The following NECAB2 variants were observed in gnomAD, a reference collection of about 807,000 sequenced individuals.
NECAB2 encodes N-terminal EF-hand calcium-binding protein 2.
In NECAB2, 68 loss-of-function variants were observed where a neutral mutation model predicts 51.9. That is an observed-to-expected ratio of 1.31 (90% CI 1.08 to 1.60). The LOEUF is 1.60. NECAB2 is among the 40% of genes most tolerant of loss of function. The probability of loss-of-function intolerance (pLI) is 0.00; values close to 1 mark genes in which losing one functional copy is unlikely to be tolerated. For synonymous variants in NECAB2, 329 were observed against 203.5 expected (o/e 1.62, Z -5.25); for missense variants, 854 against 490.3 (o/e 1.74, Z -7.00).
At chr16:83,968,233 C>A (rs1392728931), upstream of NECAB2, among the ~76,000 whole-genome samples, 1 of 151,300 alleles carries the variant, frequency 6.6e-6, no homozygotes, top group African/African-American at 2.4e-5. Flanking sequence ...GCTGGACACC[C>A]GCGCTTCGGC....
At chr16:84,001,709 C>G in intron 11 of NECAB2, 116 bp from the exon 12 acceptor site, 1 of 1,065,782 alleles carries the variant, frequency 9.4e-7, no homozygotes, top group Non-Finnish European at 1.4e-6. Context: ...AGTCCAAAGA[C>G]CCCCCGTGCT....
chr16:83,991,253 G>A (rs1250645578), intron 6 of NECAB2, among the ~76,000 whole-genome samples: 1 of 152,002 alleles, frequency 6.6e-6, no homozygotes, highest in East Asian at 1.9e-4. Context: ...AAAGTGCTGG[G>A]ATGAAAGGTG....
Position 83,996,045 on chromosome 16 carries a change from G to T in NECAB2, c.796-1171G>T, listed in dbSNP as rs553005298. On this transcript the variant is annotated intron_variant, in intron 8 of 12. Coordinates refer to ENST00000305202, the MANE Select transcript of NECAB2 (RefSeq NM_019065.3). ...CTCCTCCCCAGCCTCTAACTGGCCC[G>T]GGCGGTCAGCAGGGGCCAATCCGGG... Among the ~76,000 whole-genome samples the T allele has an allele frequency of 3.3e-5, 5 of 152,200 alleles. 1 individual carries two copies. The highest frequency in any genetic ancestry group is 1.2e-4 in the African/African-American group (5 of 41,440).
intron 6 of NECAB2, among the ~76,000 whole-genome samples, chr16:83,992,377 T>TTCCC (rs1555548086): frequency 8.3e-5 from 11 of 133,046 alleles, no homozygotes; most frequent in African/African-American, 3.2e-4. Context: ...CGAGCACCCG[T>TTCCC]CCCCCCGCCC....
At position 83,986,292 on chromosome 16, in the gene NECAB2, C is replaced by T. The variant is rs560050801; in HGVS notation, c.460-4202C>T. On this transcript the variant is annotated intron_variant, in intron 5 of 12. Coordinates refer to ENST00000305202, the MANE Select transcript of NECAB2 (RefSeq NM_019065.3). Reference sequence around the variant, plus strand: ...TCAGTCTCCCAAAGTGCTGGGAGTACAGGCATGAGCCACTGCGCCCAGCCC... The same window carrying T: ...TCAGTCTCCCAAAGTGCTGGGAGTATAGGCATGAGCCACTGCGCCCAGCCC... 2.6e-5 allele frequency among the ~76,000 whole-genome samples: 4 copies of T among 152,324 alleles called. No individual in the cohort carries two copies. The South Asian group carries it at 8.3e-4, about 32-fold the overall frequency.
chr16:84,002,452 C>A lies in NECAB2; in HGVS notation c.*106C>A. ...TTTGGTGCAGAAGCTTCTTTTCAAT[C>A]CATCCTCCACAAGAAGGTGTTTCCC... is the stretch of plus-strand genomic sequence containing the variant. On this transcript the variant is annotated 3_prime_UTR_variant, in exon 13 of 13. Transcript: ENST00000305202. 7.1e-7 allele frequency: 1 copy of A among 1,407,716 alleles called. No homozygotes were observed. Among genetic ancestry groups the A allele is most frequent in the Non-Finnish European group, 1.0e-6 (1 of 1,000,948 alleles). 87.2% of individuals were successfully genotyped at this position (1,407,716 alleles called of 1,614,324 possible). A position where few individuals can be genotyped will look rare whatever the true frequency, so the allele number is the denominator to read the frequency against.
intron 2 of NECAB2, among the ~76,000 whole-genome samples, chr16:83,977,203 C>A (rs1401474152): frequency 2.0e-5 from 3 of 152,188 alleles, no homozygotes; most frequent in African/African-American, 7.2e-5. Context: ...GGGGTTTATG[C>A]AGAGAGGCTG....
intron 11 of NECAB2, among the ~76,000 whole-genome samples, chr16:84,001,368 C>G (rs921818093): frequency 5.3e-5 from 8 of 152,108 alleles, no homozygotes; most frequent in African/African-American, 1.9e-4. Flanking sequence ...TCTCCTGCTT[C>G]CCTGGTAAAC....
intron 9 of NECAB2, 31 bp downstream of exon 9, chr16:83,997,300 C>A: frequency 6.2e-7 from 1 of 1,613,582 alleles, no homozygotes; most frequent in Non-Finnish European, 8.5e-7. Context: ...TCTTCTGGGA[C>A]CACATCCCTA....
intron 8 of NECAB2, among the ~76,000 whole-genome samples, chr16:83,995,187 G>T (rs2084679976): frequency 6.6e-6 from 1 of 152,234 alleles, no homozygotes; most frequent in Admixed American, 6.5e-5. Context: ...AGCCCTTACA[G>T]AAAACATTTT....
In NECAB2 at chr16:83,968,631, G is replaced by A. The variant is rs1319602885; in HGVS notation, c.-18G>A. On this transcript the variant is annotated 5_prime_UTR_variant, in exon 1 of 13. Coordinates refer to ENST00000305202, the MANE Select transcript of NECAB2 (RefSeq NM_019065.3). Reference sequence around the variant, plus strand: ...GGGGGTCGGCGGGCTTCCGGGCGGCGGCGGCGGGCGCGGCGCGATGTGCGA... The same window carrying A: ...GGGGGTCGGCGGGCTTCCGGGCGGCAGCGGCGGGCGCGGCGCGATGTGCGA... 1 of 979,310 alleles carries A rather than the reference G, an allele frequency of 1.0e-6. No individual in the cohort carries two copies. Among genetic ancestry groups the A allele is most frequent in the Admixed American group, 6.4e-5 (1 of 15,650 alleles). 60.7% of individuals were successfully genotyped at this position (979,310 alleles called of 1,614,324 possible).
At chr16:83,990,729 G>T in intron 6 of NECAB2, 99 bp downstream of exon 6, 2 of 1,488,686 alleles carry the variant, frequency 1.3e-6, no homozygotes, top group Non-Finnish European at 9.0e-7. Context: ...CCTAAGAGCT[G>T]GGTGACCTTG....
intron 5 of NECAB2, among the ~76,000 whole-genome samples, chr16:83,984,448 C>G (rs533255835): frequency 5.5e-4 from 83 of 152,180 alleles, no homozygotes; most frequent in African/African-American, 1.9e-3. Flanking sequence ...TGCTGCCGCT[C>G]ACGGTGGCTC....
intron 6 of NECAB2, among the ~76,000 whole-genome samples, chr16:83,992,117 G>T (rs1205763932): frequency 6.9e-6 from 1 of 144,738 alleles, no homozygotes; most frequent in African/African-American, 2.8e-5. Flanking sequence ...TAAAAAGAGA[G>T]ACTGGGGGGA....
intron 5 of NECAB2, 58 bp from the exon 6 acceptor site, chr16:83,990,436 C>G: frequency 1.3e-6 from 2 of 1,596,308 alleles, no homozygotes; most frequent in Non-Finnish European, 1.7e-6. Flanking sequence ...TGCTAGACCC[C>G]ACCTCCAATT....
At position 83,973,629 on chromosome 16, in the gene NECAB2, G is replaced by A. The variant is rs535749433; in HGVS notation, c.226+1454G>A. 4.6e-5 allele frequency among the ~76,000 whole-genome samples: 7 copies of A among 152,232 alleles called. No individual in the cohort carries two copies. In the South Asian group the frequency reaches 1.0e-3, roughly 23 times the overall value. The stretch of plus-strand genomic sequence containing the variant: ...GGGCTGTCCCTGAGATGGGGTCGCC[G>A]GAGCCCTCAGCGTCATTGCCTGTGT... On this transcript the variant is annotated intron_variant, in intron 2 of 12. Coordinates refer to ENST00000305202, the MANE Select transcript of NECAB2 (RefSeq NM_019065.3).
intron 8 of NECAB2, among the ~76,000 whole-genome samples, chr16:83,996,891 G>A (rs2084708186): frequency 6.6e-6 from 1 of 152,110 alleles, no homozygotes; most frequent in Admixed American, 6.5e-5. Flanking sequence ...TGAGGTGCTG[G>A]GGGTTATGAT....
intron 9 of NECAB2, 116 bp downstream of exon 9, chr16:83,997,385 G>A (rs1173904257): frequency 7.4e-7 from 1 of 1,353,472 alleles, no homozygotes; most frequent in Non-Finnish European, 1.0e-6. Context: ...ACCACCAGGA[G>A]GGGAGATGTC....
In NECAB2 at chr16:84,000,716, T is replaced by C; in HGVS notation, c.963-8T>C. Reference sequence around the variant, plus strand: ...CAGCCTCCTCCCCCCGACCATCTCCTGTTGCAGCATCACTGCCGTGAGGCT... The same window carrying C: ...CAGCCTCCTCCCCCCGACCATCTCCCGTTGCAGCATCACTGCCGTGAGGCT... On this transcript the variant is annotated splice_polypyrimidine_tract_variant and splice_region_variant and intron_variant, in intron 10 of 12. Transcript: ENST00000305202. 6.2e-7 allele frequency: 1 copy of C among 1,613,748 alleles called. No individual in the cohort carries two copies. The highest frequency in any genetic ancestry group is 8.5e-7 in the Non-Finnish European group (1 of 1,179,872).
Sources: allele counts gnomAD v4.1 joint callset (sites outside exome capture counted in the v4.1 genomes callset), GRCh38; gene constraint gnomAD v4.1.1; transcripts MANE v1.5; gene names NCBI Gene and HGNC (gene_info 2026-07-23, HGNC 2026-07-21).